The following SCN1A variants were observed in gnomAD, a reference collection of about 807,000 sequenced individuals.
SCN1A encodes the protein sodium channel protein type 1 subunit alpha.
In SCN1A, 13 loss-of-function variants were observed where a neutral mutation model predicts 193.7. That is an observed-to-expected ratio of 0.07 (90% CI 0.04 to 0.11). The LOEUF is 0.11. Among genes scored for constraint, SCN1A ranks in the 10% least tolerant of loss-of-function variants. The pLI is 1.00. For synonymous variants in SCN1A, 781 were observed against 843.6 expected (o/e 0.93, Z 1.29); for missense variants, 1,432 against 2,451.1 (o/e 0.58, Z 8.78).
intron 11 of SCN1A, among the ~76,000 whole-genome samples, 193 bp from the exon 12 acceptor site, chr2:166,047,169 C>T (rs528294912): frequency 3.3e-5 from 5 of 152,134 alleles, no homozygotes; most frequent in African/African-American, 2.4e-5. Context: ...TGCATTCACA[C>T]TATGATTTCT....
At chr2:166,002,438 A>G in intron 24 of SCN1A, 34 bp downstream of exon 24, 1 of 1,585,956 alleles carries the variant, frequency 6.3e-7, no homozygotes, top group Admixed American at 1.7e-5. Context: ...ATTCCAAACA[A>G]TAAAAATATT....
chr2:166,034,339 C>A (rs1696053703), intron 19 of SCN1A, among the ~76,000 whole-genome samples: 1 of 152,166 alleles, frequency 6.6e-6, no homozygotes, highest in African/African-American at 2.4e-5. Flanking sequence ...ATTATAAATA[C>A]TTGAAGCATC....
At chr2:166,140,184 C>T (rs1302418936) in intron 1 of SCN1A, among the ~76,000 whole-genome samples, 1 of 152,064 alleles carries the variant, frequency 6.6e-6, no homozygotes, top group Non-Finnish European at 1.5e-5. Flanking sequence ...CAGTGTATCT[C>T]CAAAGTACCT....
intron 2 of SCN1A, among the ~76,000 whole-genome samples, chr2:166,093,731 A>G (rs987167724): frequency 2.0e-5 from 3 of 152,260 alleles, no homozygotes; most frequent in Non-Finnish European, 4.4e-5. Context: ...CAAAAGCACA[A>G]TGTAAAAACA....
intron 6 of SCN1A, among the ~76,000 whole-genome samples, chr2:166,055,193 T>G (rs561870150): frequency 7.7e-3 from 182 of 23,760 alleles, no homozygotes; most frequent in African/African-American, 0.013. Flanking sequence ...TTAGCACGTG[T>G]TTTTTTTTTT....
At chr2:166,093,110 T>A (rs1289117964) in intron 2 of SCN1A, among the ~76,000 whole-genome samples, 1 of 151,746 alleles carries the variant, frequency 6.6e-6, no homozygotes, top group African/African-American at 2.4e-5. Flanking sequence ...CAGAATGTTA[T>A]GAGAAGATGC....
At chr2:166,041,148 G>A (rs1295471925) in intron 16 of SCN1A, 83 bp downstream of exon 16, 5 of 1,024,938 alleles carry the variant, frequency 4.9e-6, no homozygotes, top group Non-Finnish European at 7.7e-6. Flanking sequence ...ATGGTTGAAA[G>A]ACTGCTATAC....
intron 1 of SCN1A, among the ~76,000 whole-genome samples, chr2:166,143,081 A>G (rs1454304685): frequency 9.5e-5 from 1 of 10,520 alleles, no homozygotes; most frequent in African/African-American, 1.1e-3. Context: ...GTTGAATATA[A>G]AACAGAAAAA....
chr2:166,072,644 T>G (rs997904162), intron 4 of SCN1A, among the ~76,000 whole-genome samples: 1 of 152,098 alleles, frequency 6.6e-6, no homozygotes, highest in African/African-American at 2.4e-5. Flanking sequence ...GCATGAAAAA[T>G]TAGTACTAAT....
intron 10 of SCN1A, among the ~76,000 whole-genome samples, chr2:166,048,609 G>A (rs184149530): frequency 1.2e-3 from 184 of 152,156 alleles, no homozygotes; most frequent in Middle Eastern, 3.4e-3. Flanking sequence ...ATCATTGATG[G>A]ACATTTAGGT....
At chr2:166,145,231 G>T (rs1280644154) in intron 1 of SCN1A, among the ~76,000 whole-genome samples, 1 of 61,566 alleles carries the variant, frequency 1.6e-5, no homozygotes, top group African/African-American at 1.2e-4. Flanking sequence ...GCGATCTCAG[G>T]ATTTCACTGT....
At chr2:166,015,871 G>T (rs1203004266) in intron 19 of SCN1A, 144 bp from the exon 20 acceptor site, 1 of 850,624 alleles carries the variant, frequency 1.2e-6, no homozygotes, top group Non-Finnish European at 1.9e-6. Context: ...TTGAATAAGG[G>T]GAAGAAATAA....
intron 9 of SCN1A, among the ~76,000 whole-genome samples, chr2:166,050,605 TA>T (rs1698419330): frequency 3.3e-5 from 2 of 60,488 alleles, no homozygotes; most frequent in Admixed American, 1.9e-4. Context: ...CCCAACTCAT[TA>T]AAAAAAGTAT....
chr2:166,096,483 T>C (rs1006162700), intron 2 of SCN1A, among the ~76,000 whole-genome samples: 2 of 152,126 alleles, frequency 1.3e-5, no homozygotes, highest in Non-Finnish European at 2.9e-5. Flanking sequence ...GGTTTCACCA[T>C]GTTGGCCAGG....
At chr2:166,140,045 C>T (rs1415042441) in intron 1 of SCN1A, among the ~76,000 whole-genome samples, 3 of 152,094 alleles carry the variant, frequency 2.0e-5, no homozygotes, top group Non-Finnish European at 4.4e-5. Context: ...ACAACAGTCT[C>T]ATAAAATAGT....
intron 4 of SCN1A, among the ~76,000 whole-genome samples, chr2:166,067,746 C>G (rs1198142547): frequency 1.7e-5 from 2 of 120,726 alleles, no homozygotes; most frequent in East Asian, 5.2e-4. Flanking sequence ...TCTAACAGTT[C>G]CTCTTCTCTT....
rs57039446 is a variant in SCN1A at position 166,133,274 on chromosome 2, G to A, written c.-50+15773C>T. On this transcript the variant is annotated intron_variant, in intron 1 of 26. Transcript: ENST00000635750. ...AGAAGCCAGAATTATGTCTGCAGGT[G>A]ATTATTTCAGGGAAGCAGTTACTCC... is the stretch of plus-strand genomic sequence containing the variant. Among the ~76,000 whole-genome samples, 1,080 of 152,242 alleles carry A rather than the reference G, an allele frequency of 7.1e-3. 18 individuals carry two copies. The highest frequency in any genetic ancestry group is 0.025 in the African/African-American group (1,027 of 41,560).
At chr2:166,143,031 T>C (rs1034826343) in intron 1 of SCN1A, among the ~76,000 whole-genome samples, 1 of 151,960 alleles carries the variant, frequency 6.6e-6, no homozygotes. Context: ...CAATCTTGGG[T>C]ATGTCTTTAT....
rs11394960 is a variant in SCN1A, at chr2:166,041,479, G to GAA, written c.2177-12_2177-11dup. The GAA allele has an allele frequency of 0.071, 77,418 of 1,093,978 alleles. 2 individuals are homozygous for GAA. Among genetic ancestry groups the GAA allele is most frequent in the East Asian group, 0.1 (3,709 of 36,228 alleles). 67.8% of individuals were successfully genotyped at this position (1,093,978 alleles called of 1,614,324 possible). A position where few individuals can be genotyped will look rare whatever the true frequency, so the allele number is the denominator to read the frequency against. ...CTGGATTCTTCAAGTTCTAGATTAA[G>GAA]AAAAAAAAAAAAAAGAACCACCAAA... On this transcript the variant is annotated splice_polypyrimidine_tract_variant and intron_variant, in intron 15 of 28. Coordinates refer to ENST00000674923, the MANE Select transcript of SCN1A (RefSeq NM_001165963.4).
Sources: gnomAD v4.1 joint callset for allele counts (sites outside exome capture counted in the v4.1 genomes callset) on GRCh38, gnomAD v4.1.1 for gene constraint, MANE v1.5 for transcripts, NCBI Gene and HGNC (gene_info 2026-07-23, HGNC 2026-07-21) for gene names.